Variants in SH2D4B observed in about 807,000 individuals in gnomAD.
The protein encoded by SH2D4B is SH2 domain containing 4B.
SH2D4B carries 45 observed loss-of-function variants against 61.5 expected under a neutral mutation model. The ratio of observed to expected loss-of-function variants is 0.73; its 90% CI spans 0.58 to 0.94. The LOEUF is 0.94. Among genes scored for constraint, SH2D4B ranks in the 40% least tolerant of loss-of-function variants. The pLI is 0.00. For missense variants in SH2D4B, 572 were observed against 574.2 expected, an observed-to-expected ratio of 1.00 and a Z score of 0.04; for synonymous variants, 224 against 220.4, an observed-to-expected ratio of 1.02 and a Z score of -0.14.
intron 1 of SH2D4B, among the ~76,000 whole-genome samples, chr10:80,549,199 TTGATTGTG>T (rs1841722722): frequency 2.2e-4 from 2 of 9,204 alleles, no homozygotes; most frequent in Admixed American, 2.2e-3. Flanking sequence ...GTGATGGGAC[TTGATTGTG>T]TGTGTGTGTG....
chr10:80,556,034 T>C (rs1841832947), intron 1 of SH2D4B, among the ~76,000 whole-genome samples: 1 of 152,232 alleles, frequency 6.6e-6, no homozygotes, highest in African/African-American at 2.4e-5. Context: ...AAAGTGCCTT[T>C]TTATTTGCAG....
chr10:80,622,744 C>T lies in SH2D4B; in HGVS notation c.989-11541C>T, dbSNP rs143850857. Among the ~76,000 whole-genome samples, 291 of 152,310 alleles carry T rather than the reference C, an allele frequency of 1.9e-3. 2 individuals are homozygous for T. The highest frequency in any genetic ancestry group is 6.8e-3 in the African/African-American group (281 of 41,554). On this transcript the variant is annotated intron_variant, in intron 6 of 7. Coordinates refer to ENST00000646907, the MANE Select transcript of SH2D4B (RefSeq NM_001388272.1). ...TTTCCAGTGAATTCTGTTGACTGCT[C>T]TTGGATCCATTAGCCACCCTTGTTG... is the stretch of plus-strand genomic sequence containing the variant.
chr10:80,572,603 T>G (rs1453765426), intron 3 of SH2D4B, among the ~76,000 whole-genome samples: 2 of 151,984 alleles, frequency 1.3e-5, no homozygotes, highest in Non-Finnish European at 2.9e-5. Context: ...TTGCCTTCCC[T>G]CCACTCCCCT....
intron 1 of SH2D4B, chr10:80,540,839 C>T: frequency 6.4e-7 from 1 of 1,551,034 alleles, no homozygotes; most frequent in Non-Finnish European, 8.7e-7. Context: ...TGCCGTGTCC[C>T]AGGGCGGGAA....
At chr10:80,596,843 C>T (rs1842390282) in intron 4 of SH2D4B, among the ~76,000 whole-genome samples, 1 of 152,138 alleles carries the variant, frequency 6.6e-6, no homozygotes, top group Admixed American at 6.5e-5. Context: ...TTCCTCCTGC[C>T]GCTTGGGGGA....
intron 4 of SH2D4B, among the ~76,000 whole-genome samples, chr10:80,602,926 C>G (rs1842467560): frequency 6.6e-6 from 1 of 152,178 alleles, no homozygotes; most frequent in African/African-American, 2.4e-5. Context: ...GCCAGGCACA[C>G]CTGGGTTTCT....
chr10:80,591,075 C>A (rs1026938008), intron 4 of SH2D4B, among the ~76,000 whole-genome samples: 6 of 151,642 alleles, frequency 4.0e-5, no homozygotes, highest in African/African-American at 1.5e-4. Flanking sequence ...ATCATTCCTT[C>A]CTTCCATTTT....
intron 6 of SH2D4B, among the ~76,000 whole-genome samples, chr10:80,620,109 T>A (rs993174798): frequency 6.6e-6 from 1 of 152,204 alleles, no homozygotes; most frequent in Non-Finnish European, 1.5e-5. Context: ...TCCAGGTCAT[T>A]GTGCATGGAA....
rs1197055504 is a variant in SH2D4B, at chr10:80,538,395, G to A, written c.64G>A (p.Val22Met). 5 of 1,459,354 alleles carry A rather than the reference G, an allele frequency of 3.4e-6. No homozygotes were observed. Among genetic ancestry groups the A allele is most frequent in the African/African-American group, 2.9e-5 (2 of 69,562 alleles). The allele number at this position is 1,459,354 out of a possible 1,614,324, so 90.4% of individuals were successfully genotyped here. The change falls in exon 1 of 8, where the codon GTG (valine) becomes ATG (methionine). Residue 22 changes from valine to methionine, a missense_variant. Physicochemically the swap from Val to Met is conservative, Grantham distance 21 (BLOSUM62 1). Coordinates refer to ENST00000646907, the MANE Select transcript of SH2D4B (RefSeq NM_001388272.1). The surrounding 1 kb of genome is among the most constrained non-coding windows in gnomAD (Gnocchi z 4.8). ...DPELLAELSD[V>M]QKHILFYKMR... ...CGAGCTCCTTGCCGAGCTCAGCGAT[G>A]TGCAGAAGCACATCCTCTTCTACAA...
At chr10:80,628,787 G>A (rs1448431075) in intron 6 of SH2D4B, among the ~76,000 whole-genome samples, 3 of 152,132 alleles carry the variant, frequency 2.0e-5, no homozygotes, top group Non-Finnish European at 4.4e-5. Context: ...CAGCACTTTG[G>A]GAAGCTGAGG....
At chr10:80,568,091 CTTT>C (rs1192521361) in intron 1 of SH2D4B, among the ~76,000 whole-genome samples, 1 of 145,138 alleles carries the variant, frequency 6.9e-6, no homozygotes, top group Non-Finnish European at 1.5e-5. Flanking sequence ...AGAGATCACA[CTTT>C]TTTTTTTTTT....
At chr10:80,636,892 G>A (rs1345487033) in intron 7 of SH2D4B, among the ~76,000 whole-genome samples, 2 of 152,144 alleles carry the variant, frequency 1.3e-5, no homozygotes, top group Non-Finnish European at 2.9e-5. Flanking sequence ...GTATTGCCTA[G>A]GTTTTCTTCT....
chr10:80,544,800 C>A (rs1370387402), intron 1 of SH2D4B, among the ~76,000 whole-genome samples: 1 of 152,246 alleles, frequency 6.6e-6, no homozygotes, highest in Non-Finnish European at 1.5e-5. Context: ...CTCACGTATC[C>A]CCCTGCCTCG....
At chr10:80,612,856 A>G (rs4933462) in intron 6 of SH2D4B, among the ~76,000 whole-genome samples, 77,666 of 152,102 alleles carry the variant, frequency 0.51, 20,828 homozygotes, top group East Asian at 0.74. Flanking sequence ...CAAACAGCAA[A>G]TAGACAAAGA....
At chr10:80,568,871 C>T (rs562320285) in intron 1 of SH2D4B, among the ~76,000 whole-genome samples, 1 of 152,310 alleles carries the variant, frequency 6.6e-6, no homozygotes, top group Non-Finnish European at 1.5e-5. Flanking sequence ...TTTCAACCTC[C>T]TCCCTTAGAA....
In SH2D4B at chr10:80,571,455, C is replaced by T. The variant is rs1026445404; in HGVS notation, c.372C>T (p.Thr124=). 7 of 1,613,900 alleles carry T rather than the reference C, an allele frequency of 4.3e-6. No homozygotes were observed. Among genetic ancestry groups the T allele is most frequent in the African/African-American group, 2.7e-5 (2 of 74,926 alleles). Residue 124 remains threonine (T), a synonymous_variant, in exon 3 of 8, where the codon ACC becomes ACT. Transcript: ENST00000646907. ...ELWRQKEAEI[T]KKFRDALANE... Reference sequence around the variant, plus strand: ...GGAGACAGAAGGAGGCAGAGATCACCAAGAAGTTCCGGGATGCTCTGGCCA... The same window carrying T: ...GGAGACAGAAGGAGGCAGAGATCACTAAGAAGTTCCGGGATGCTCTGGCCA...
At chr10:80,600,301 A>G (rs1842436920) in intron 4 of SH2D4B, among the ~76,000 whole-genome samples, 1 of 152,240 alleles carries the variant, frequency 6.6e-6, no homozygotes, top group Admixed American at 6.5e-5. Flanking sequence ...CCAAGGGATT[A>G]CTACAAATTA....
intron 1 of SH2D4B, among the ~76,000 whole-genome samples, chr10:80,553,595 G>T (rs1841790319): frequency 6.6e-6 from 1 of 152,212 alleles, no homozygotes. Context: ...GTTTGTTCTT[G>T]TTCTAGCAAG....
rs73309257 is a variant in SH2D4B at position 80,609,393 on chromosome 10, C to T, written c.861-31C>T. The T allele has an allele frequency of 1.9e-3, 3,047 of 1,600,462 alleles. 61 individuals are homozygous for T. The African/African-American group carries it at 0.037, about 19-fold the overall frequency. ...CTCCGCTCTTTCTCCCTCCCTGACTCTTCTGCCCTCCCCACTTTCTTTCTC... is the reference window on the plus strand; with the variant it reads ...CTCCGCTCTTTCTCCCTCCCTGACTTTTCTGCCCTCCCCACTTTCTTTCTC... On this transcript the variant is annotated intron_variant, in intron 5 of 7. Coordinates refer to ENST00000646907, the MANE Select transcript of SH2D4B (RefSeq NM_001388272.1).
Sources: gnomAD v4.1 joint callset for allele counts (sites outside exome capture counted in the v4.1 genomes callset) on GRCh38, gnomAD v4.1.1 for gene constraint, Gnocchi (gnomAD v3.1) non-coding constraint, MANE v1.5 for transcripts, NCBI Gene and HGNC (gene_info 2026-07-23, HGNC 2026-07-21) for gene names.